Variants in MYO7A observed in about 807,000 individuals in gnomAD.
The protein encoded by MYO7A is unconventional myosin-VIIa.
MYO7A carries 210 observed loss-of-function variants against 263.8 expected under a neutral mutation model. The ratio of observed to expected loss-of-function variants is 0.80; its 90% CI spans 0.71 to 0.89. The LOEUF is 0.89. MYO7A is among the 40% of genes least tolerant of loss of function. The pLI is 0.00. For missense variants in MYO7A, 2,820 were observed against 2,968.3 expected, an observed-to-expected ratio of 0.95 and a Z score of 1.16; for synonymous variants, 1,239 against 1,197.3, an observed-to-expected ratio of 1.03 and a Z score of -0.72.
chr11:77,160,800 A>G lies in MYO7A; in HGVS notation c.1201-173A>G, dbSNP rs116485182. ...TTGAAAAATGTGTAGGAACTGTTCA[A>G]GCAGGAAAAGGGGTCTCCAGGCAGA... On this transcript the variant is annotated intron_variant, in intron 11 of 48. Transcript: ENST00000409709. Among the ~76,000 whole-genome samples, 1,231 of 152,242 alleles carry G rather than the reference A, an allele frequency of 8.1e-3. 16 individuals carry two copies. The highest frequency in any genetic ancestry group is 0.028 in the African/African-American group (1,176 of 41,534).
chr11:77,191,964 C>G lies in MYO7A; in HGVS notation c.3925-87C>G, dbSNP rs913616476. 3 of 1,227,064 alleles carry G rather than the reference C, an allele frequency of 2.4e-6. No homozygotes were observed. The African/African-American group carries it at 4.5e-5, about 18-fold the overall frequency. 76.0% of individuals were successfully genotyped at this position (1,227,064 alleles called of 1,614,324 possible). On this transcript the variant is annotated intron_variant, in intron 30 of 48. Transcript: ENST00000409709. ...CTGCCCCTCGCTGGGCCTCCGTTTT[C>G]TGTCTGAACTGACCGTTGGCCCCGT...
At chr11:77,168,225 G>C (rs1953740340) in intron 15 of MYO7A, among the ~76,000 whole-genome samples, 1 of 152,144 alleles carries the variant, frequency 6.6e-6, no homozygotes, top group Non-Finnish European at 1.5e-5. Context: ...GATATTTCCT[G>C]CTCGAGTTTC....
chr11:77,181,949 A>G lies in MYO7A; in HGVS notation c.2905-2A>G. 1 of 1,612,842 alleles carries G rather than the reference A, an allele frequency of 6.2e-7. No homozygotes were observed. Among genetic ancestry groups the G allele is most frequent in the Non-Finnish European group, 8.5e-7 (1 of 1,179,680 alleles). ...CCAGGGCATACCTCTTGTCTCCTTCAGGACCTGGAGCGAGGGCGGAGGGAG... is the reference window on the plus strand; with the variant it reads ...CCAGGGCATACCTCTTGTCTCCTTCGGGACCTGGAGCGAGGGCGGAGGGAG... On this transcript the variant is annotated splice_acceptor_variant, in intron 23 of 48. Transcript: ENST00000409709. LOFTEE classifies it high-confidence loss of function.
intron 23 of MYO7A, among the ~76,000 whole-genome samples, 166 bp downstream of exon 23, chr11:77,181,755 C>T (rs1330613913): frequency 4.0e-5 from 6 of 149,614 alleles, no homozygotes; most frequent in East Asian, 2.0e-4. Context: ...CCCTCTCCAA[C>T]GCCCTTCTCA....
Position 77,191,703 on chromosome 11 carries a change from G to A in MYO7A, c.3925-348G>A, listed in dbSNP as rs561759649. ...CGTCATGCTCAGCAGAGGGGCCCCC[G>A]CCCACAAGCCCAGGGGAGGTACCGT... is the stretch of plus-strand genomic sequence containing the variant. On this transcript the variant is annotated intron_variant, in intron 30 of 48. Coordinates refer to ENST00000409709, the MANE Select transcript of MYO7A (RefSeq NM_000260.4). Among the ~76,000 whole-genome samples, 100 of 152,290 alleles carry A rather than the reference G, an allele frequency of 6.6e-4. 1 individual carries two copies. Among genetic ancestry groups the A allele is most frequent in the African/African-American group, 2.3e-3 (97 of 41,568 alleles).
chr11:77,177,700 T>C, intron 19 of MYO7A, 57 bp downstream of exon 19: 2 of 1,441,430 alleles, frequency 1.4e-6, no homozygotes, highest in South Asian at 1.2e-5. Flanking sequence ...GTACGTGTGG[T>C]GTTTGGCTCT....
chr11:77,199,452 CTT>C (rs1038083509), intron 34 of MYO7A, 81 bp from the exon 35 acceptor site: 214 of 1,381,640 alleles, frequency 1.5e-4, no homozygotes, highest in Admixed American at 2.4e-4. Context: ...CCAGCTCTGA[CTT>C]AGCCTGAGAT....
chr11:77,137,635 G>T (rs1348837113), intron 2 of MYO7A, among the ~76,000 whole-genome samples: 1 of 152,326 alleles, frequency 6.6e-6, no homozygotes, highest in South Asian at 2.1e-4. Context: ...GCCCTGTGTG[G>T]CTGCTAGGAC....
intron 47 of MYO7A, among the ~76,000 whole-genome samples, chr11:77,213,602 C>T (rs552072586): frequency 1.6e-4 from 24 of 152,142 alleles, no homozygotes; most frequent in Non-Finnish European, 2.2e-4. Flanking sequence ...ATTCAGGCCA[C>T]GGTGTCAGTT....
intron 19 of MYO7A, 110 bp downstream of exon 19, chr11:77,177,753 A>C (rs573176457): frequency 4.6e-4 from 372 of 817,330 alleles, no homozygotes; most frequent in Non-Finnish European, 9.4e-5. Flanking sequence ...AAACGTGTTC[A>C]CCTATGAAAC....
intron 4 of MYO7A, among the ~76,000 whole-genome samples, chr11:77,149,309 G>T (rs1951808449): frequency 6.6e-6 from 1 of 152,202 alleles, no homozygotes; most frequent in African/African-American, 2.4e-5. Flanking sequence ...GGCATTACTG[G>T]GGGAGGTGTG....
In MYO7A at chr11:77,155,921, C is replaced by A. The variant is rs1555061437; in HGVS notation, c.300C>A (p.Ser100=). Residue 100 remains serine, a synonymous_variant, in exon 5 of 49, where the codon TCC becomes TCA. Coordinates refer to ENST00000409709, the MANE Select transcript of MYO7A (RefSeq NM_000260.4). ...GCTGCCCGCAGACGTATACGGGCTC[C>A]ATCCTGGTGGCTGTGAACCCCTACC... ...RDHLIYTYTG[S]ILVAVNPYQL... 1.9e-6 allele frequency: 3 copies of A among 1,605,452 alleles called. 1 individual carries two copies. The African/African-American group carries it at 4.0e-5, about 21-fold the overall frequency.
intron 4 of MYO7A, 72 bp from the exon 5 acceptor site, chr11:77,155,835 A>T: frequency 6.9e-7 from 1 of 1,455,524 alleles, no homozygotes; most frequent in South Asian, 1.4e-5. Flanking sequence ...AGCAGGGCAG[A>T]GCCCAAGAGC....
At chr11:77,133,731 A>G (rs1289719483) in intron 2 of MYO7A, among the ~76,000 whole-genome samples, 1 of 152,184 alleles carries the variant, frequency 6.6e-6, no homozygotes, top group Non-Finnish European at 1.5e-5. Context: ...CTATTTACAC[A>G]TGAAGTAATT....
chr11:77,147,501 T>C (rs1354352014), intron 3 of MYO7A, among the ~76,000 whole-genome samples: 1 of 152,218 alleles, frequency 6.6e-6, no homozygotes, highest in African/African-American at 2.4e-5. Context: ...GCAAAGGGCC[T>C]GAGGGAACTC....
chr11:77,203,978 C>CAG, intron 38 of MYO7A, 98 bp from the exon 39 acceptor site: 1 of 1,349,414 alleles, frequency 7.4e-7, no homozygotes, highest in South Asian at 1.5e-5. Context: ...CCCAGGGTCA[C>CAG]AGCTTCAGGT....
chr11:77,202,747 G>C (rs1957156763), intron 37 of MYO7A, among the ~76,000 whole-genome samples: 1 of 151,450 alleles, frequency 6.6e-6, no homozygotes, highest in Non-Finnish European at 1.5e-5. Context: ...GGGGCGGGGG[G>C]TGGGGGGCAG....
intron 42 of MYO7A, 45 bp downstream of exon 42, chr11:77,207,447 C>A (rs1256251995): frequency 7.2e-7 from 1 of 1,386,910 alleles, no homozygotes; most frequent in Non-Finnish European, 1.0e-6. Flanking sequence ...TTTGCTGGGG[C>A]CATAGGAACT....
chr11:77,145,417 C>T (rs753271302), intron 3 of MYO7A, among the ~76,000 whole-genome samples: 42 of 152,096 alleles, frequency 2.8e-4, no homozygotes, highest in Non-Finnish European at 5.4e-4. Context: ...CTCAGGGGTC[C>T]GGGGTCAGGC....
Sources: allele counts gnomAD v4.1 joint callset (sites outside exome capture counted in the v4.1 genomes callset), GRCh38; gene constraint gnomAD v4.1.1; transcripts MANE v1.5; gene names NCBI Gene and HGNC (gene_info 2026-07-23, HGNC 2026-07-21).